Variants in RHPN2 observed in about 807,000 individuals in gnomAD.
RHPN2 encodes the protein rhophilin Rho GTPase binding protein 2, also known as rhophilin-2.
RHPN2 carries 40 observed loss-of-function variants against 79.0 expected under a neutral mutation model. That is an observed-to-expected ratio of 0.51 (90% CI 0.39 to 0.66). The LOEUF (loss-of-function observed/expected upper bound fraction) is 0.66. Ranked by LOEUF, RHPN2 falls within the 30% of genes least tolerant of loss-of-function variation. The pLI, the probability that RHPN2 is intolerant of heterozygous loss-of-function variation, is 0.00. For missense variants in RHPN2, 686 were observed against 883.5 expected (o/e 0.78, Z 2.83); for synonymous variants, 285 against 363.5 (o/e 0.78, Z 2.46).
At chr19:33,039,787 A>G (rs1299986481) in intron 2 of RHPN2, among the ~76,000 whole-genome samples, 1 of 151,760 alleles carries the variant, frequency 6.6e-6, no homozygotes, top group Non-Finnish European at 1.5e-5. Context: ...GCAGTGAGCT[A>G]AGATCACGCC....
chr19:33,042,142 T>C (rs1271188646), intron 2 of RHPN2, among the ~76,000 whole-genome samples: 2 of 151,292 alleles, frequency 1.3e-5, no homozygotes, highest in Non-Finnish European at 2.9e-5. Context: ...TGAGCCAAGA[T>C]TGAGCCATTG....
intron 4 of RHPN2, among the ~76,000 whole-genome samples, chr19:33,015,044 A>G (rs892182307): frequency 1.3e-5 from 2 of 151,706 alleles, no homozygotes; most frequent in Non-Finnish European, 2.9e-5. Flanking sequence ...ATGAAAGTCA[A>G]AGAGGATTTT....
chr19:32,984,111 G>A (rs1391930712), intron 14 of RHPN2, among the ~76,000 whole-genome samples: 1 of 152,170 alleles, frequency 6.6e-6, no homozygotes, highest in Non-Finnish European at 1.5e-5. Context: ...TACACAGCTT[G>A]TGAACGGCAG....
In RHPN2 at chr19:32,990,604, C is replaced by T. The variant is rs764810877; in HGVS notation, c.1710G>A (p.Thr570=). 5.6e-6 allele frequency: 9 copies of T among 1,613,922 alleles called. No homozygotes were observed. Among genetic ancestry groups the T allele is most frequent in the Middle Eastern group, 1.7e-4 (1 of 6,056 alleles). The change falls in exon 14 of 15, where the codon ACG becomes ACA. Residue 570 remains threonine (T), a synonymous_variant. Coordinates refer to ENST00000254260, the MANE Select transcript of RHPN2 (RefSeq NM_033103.5). ...TCAGCAGCTTCATAACCTCACTCAG[C>T]GTCAGCCACTTACAATCCACAAGCT... is the stretch of plus-strand genomic sequence containing the variant. The part of the protein sequence containing the change: ...SIQLVDCKWL[T]LSEVMKLLKS...
In RHPN2 at chr19:33,064,807, C is replaced by T. The variant is rs1568330413; in HGVS notation, c.46G>A (p.Glu16Lys). Residue 16 changes from glutamate (E) to lysine (K), a missense_variant, in exon 1 of 15, where the codon GAG (glutamate) becomes AAG (lysine). By Grantham distance (56) the Glu-to-Lys change is moderately conservative (BLOSUM62 1). Transcript: ENST00000254260. The part of the protein sequence containing the change: ...LPAAPQPLEK[E>K]NDGYFRKGCN... ...ACCTTCCGAAAGTAGCCGTCGTTCTCCTTCTCCAGCGGCTGGGGGGCCGCG... is the reference window on the plus strand; with the variant it reads ...ACCTTCCGAAAGTAGCCGTCGTTCTTCTTCTCCAGCGGCTGGGGGGCCGCG... 32 of 1,349,896 alleles carry T rather than the reference C, an allele frequency of 2.4e-5. No individual in the cohort carries two copies. The highest frequency in any genetic ancestry group is 3.1e-5 in the Non-Finnish European group (32 of 1,033,710). 83.6% of individuals were successfully genotyped at this position (1,349,896 alleles called of 1,614,324 possible). A position where few individuals can be genotyped will look rare whatever the true frequency, so the allele number is the denominator to read the frequency against.
At chr19:33,047,477 A>G (rs2145265566) in intron 1 of RHPN2, among the ~76,000 whole-genome samples, 1 of 152,296 alleles carries the variant, frequency 6.6e-6, no homozygotes, top group Admixed American at 6.5e-5. Flanking sequence ...TAGAAGCCTC[A>G]GGACCTGGGA....
At chr19:33,018,899 C>T (rs189055454) in intron 4 of RHPN2, among the ~76,000 whole-genome samples, 8 of 151,280 alleles carry the variant, frequency 5.3e-5, no homozygotes, top group African/African-American at 9.7e-5. Context: ...GGCATGATGG[C>T]GGGTGCCTGT....
At chr19:32,980,551 G>A (rs1971566206) in intron 14 of RHPN2, among the ~76,000 whole-genome samples, 1 of 152,160 alleles carries the variant, frequency 6.6e-6, no homozygotes, top group African/African-American at 2.4e-5. Flanking sequence ...GTTGCAGTGA[G>A]CTGAGATCAC....
chr19:33,016,282 G>A (rs1156310780), intron 4 of RHPN2, among the ~76,000 whole-genome samples: 1 of 151,718 alleles, frequency 6.6e-6, no homozygotes, highest in Non-Finnish European at 1.5e-5. Context: ...CTCAATCATA[G>A]CTGACTGCAG....
chr19:33,001,581 AT>A (rs979667886), intron 9 of RHPN2, among the ~76,000 whole-genome samples: 1 of 151,626 alleles, frequency 6.6e-6, no homozygotes. Flanking sequence ...ATCATCACAG[AT>A]TTTTTTTGCA....
Position 33,018,010 on chromosome 19 carries a change from C to T in RHPN2, c.390+3561G>A, listed in dbSNP as rs112885577. Among the ~76,000 whole-genome samples, 140 of 152,146 alleles carry T rather than the reference C, an allele frequency of 9.2e-4. 1 individual carries two copies. Among genetic ancestry groups the T allele is most frequent in the African/African-American group, 3.2e-3 (134 of 41,534 alleles). On this transcript the variant is annotated intron_variant, in intron 4 of 14. Coordinates refer to ENST00000254260, the MANE Select transcript of RHPN2 (RefSeq NM_033103.5). ...CTCTACTAAAAATACAAAAATTAGC[C>T]GGGCGTGGTAGTGGGTGCCTGAAAC...
chr19:33,041,953 C>A (rs964728167), intron 2 of RHPN2, among the ~76,000 whole-genome samples: 2 of 152,116 alleles, frequency 1.3e-5, no homozygotes, highest in African/African-American at 4.8e-5. Flanking sequence ...GAGGCTGAGG[C>A]AGGAGGATCA....
intron 1 of RHPN2, among the ~76,000 whole-genome samples, chr19:33,062,877 C>A (rs1219818967): frequency 6.6e-6 from 1 of 152,076 alleles, no homozygotes. Flanking sequence ...CAGTGCGGAG[C>A]AAGAAGTCCT....
chr19:32,995,864 G>A (rs1971696041), intron 11 of RHPN2, among the ~76,000 whole-genome samples, 162 bp downstream of exon 11: 1 of 152,124 alleles, frequency 6.6e-6, no homozygotes, highest in East Asian at 1.9e-4. Context: ...ATCTCAAAAA[G>A]AAAAGAGAAC....
At chr19:32,998,103 G>T (rs1971717508) in intron 10 of RHPN2, among the ~76,000 whole-genome samples, 1 of 152,212 alleles carries the variant, frequency 6.6e-6, no homozygotes, top group Admixed American at 6.5e-5. Context: ...AGGGGCAGCA[G>T]GAAAACCCGC....
At chr19:33,064,709 A>G (rs1274274004) in intron 1 of RHPN2, 75 bp downstream of exon 1, 2 of 1,387,176 alleles carry the variant, frequency 1.4e-6, no homozygotes, top group East Asian at 3.0e-5. Flanking sequence ...GCGCGCTCCC[A>G]CGGCCCCTGC....
intron 2 of RHPN2, among the ~76,000 whole-genome samples, chr19:33,040,456 T>G (rs1972091941): frequency 6.6e-6 from 1 of 151,894 alleles, no homozygotes; most frequent in African/African-American, 2.4e-5. Flanking sequence ...GCCAGGATGG[T>G]CTCGATCTCT....
At chr19:33,045,522 G>A (rs1408105480) in intron 1 of RHPN2, among the ~76,000 whole-genome samples, 3 of 151,572 alleles carry the variant, frequency 2.0e-5, no homozygotes, top group African/African-American at 7.3e-5. Flanking sequence ...CATCCAGGCT[G>A]CAGTGCAGTG....
At chr19:33,047,869 G>A (rs909190941) in intron 1 of RHPN2, among the ~76,000 whole-genome samples, 3 of 151,910 alleles carry the variant, frequency 2.0e-5, no homozygotes, top group Admixed American at 6.6e-5. Flanking sequence ...CTACAATTGC[G>A]CCACTGCACT....
Sources: gnomAD v4.1 joint callset for allele counts (sites outside exome capture counted in the v4.1 genomes callset) on GRCh38, gnomAD v4.1.1 for gene constraint, MANE v1.5 for transcripts, NCBI Gene and HGNC (gene_info 2026-07-23, HGNC 2026-07-21) for gene names.